Variants in SPRED1 observed in about 807,000 individuals in gnomAD.
The protein encoded by SPRED1 is sprouty-related, EVH1 domain-containing protein 1.
A neutral mutation model predicts 52.3 loss-of-function variants in SPRED1; 18 were observed. That is an observed-to-expected ratio of 0.34 (90% CI 0.24 to 0.51). SPRED1 has a LOEUF of 0.51. SPRED1 is among the 20% of genes least tolerant of loss of function. The pLI is 0.97. For synonymous variants in SPRED1, 155 were observed against 179.7 expected (o/e 0.86, Z 1.10); for missense variants, 485 against 551.0 (o/e 0.88, Z 1.20).
chr15:38,253,136 C>T lies in SPRED1; in HGVS notation c.-50C>T, dbSNP rs1369598326. Reference sequence around the variant, plus strand: ...GCCCCTCGGTGCTGCTGTTGCTCCCCCGCCTGCTGTTGCTCCTCCATCTCC... The same window carrying T: ...GCCCCTCGGTGCTGCTGTTGCTCCCTCGCCTGCTGTTGCTCCTCCATCTCC... On this transcript the variant is annotated 5_prime_UTR_variant, in exon 1 of 7. Transcript: ENST00000299084. The T allele has an allele frequency of 1.9e-6, 3 of 1,552,196 alleles. No individual in the cohort carries two copies. In the South Asian group the frequency reaches 3.6e-5, roughly 18 times the overall value.
Position 38,355,674 on chromosome 15 carries a change from C to G in SPRED1, c.*4010C>G, listed in dbSNP as rs1469849409. 1 of 152,100 alleles carries G rather than the reference C, an allele frequency of 6.6e-6. No homozygotes were observed. Among genetic ancestry groups the G allele is most frequent in the African/African-American group, 2.4e-5 (1 of 41,430 alleles). 9.4% of individuals were successfully genotyped at this position (152,100 alleles called of 1,614,324 possible). ...GCATTAAGCAAGTGTAACATTTTTT[C>G]CACATAAAACTTAGAAAACTTTAGT... On this transcript the variant is annotated 3_prime_UTR_variant, in exon 7 of 7. Coordinates refer to ENST00000299084, the MANE Select transcript of SPRED1 (RefSeq NM_152594.3).
At chr15:38,339,352 T>A (rs1895985304) in intron 4 of SPRED1, among the ~76,000 whole-genome samples, 1 of 152,196 alleles carries the variant, frequency 6.6e-6, no homozygotes, top group Admixed American at 6.5e-5. Context: ...AACATTTTTT[T>A]AACTTGCAAA....
intron 2 of SPRED1, 125 bp downstream of exon 2, chr15:38,299,672 C>T: frequency 2.0e-6 from 2 of 1,023,790 alleles, no homozygotes; most frequent in Non-Finnish European, 1.5e-6. Context: ...GGAGCTGTTT[C>T]TGTGTTAAAG....
At chr15:38,267,132 C>T (rs1314220591) in intron 1 of SPRED1, among the ~76,000 whole-genome samples, 5 of 152,262 alleles carry the variant, frequency 3.3e-5, no homozygotes, top group Admixed American at 6.5e-5. Flanking sequence ...TAGTTCCATA[C>T]ACATTTTTGC....
chr15:38,256,095 G>A (rs1273971011), intron 1 of SPRED1, among the ~76,000 whole-genome samples: 1 of 152,168 alleles, frequency 6.6e-6, no homozygotes, highest in Admixed American at 6.5e-5. Context: ...GATCTGTTAT[G>A]TGTAGGGCTT....
At chr15:38,287,928 T>A (rs1894843011) in intron 1 of SPRED1, among the ~76,000 whole-genome samples, 1 of 152,156 alleles carries the variant, frequency 6.6e-6, no homozygotes, top group African/African-American at 2.4e-5. Context: ...TTTTTTGATT[T>A]CCCCTTGCTT....
chr15:38,304,004 G>A (rs1475499726), intron 2 of SPRED1, among the ~76,000 whole-genome samples: 9 of 152,186 alleles, frequency 5.9e-5, no homozygotes, highest in Non-Finnish European at 1.3e-4. Context: ...ATTGTTTATA[G>A]AAGTTGAAGT....
chr15:38,291,459 T>G (rs1256249749), intron 1 of SPRED1, among the ~76,000 whole-genome samples: 1 of 152,264 alleles, frequency 6.6e-6, no homozygotes, highest in Non-Finnish European at 1.5e-5. Context: ...GTAGGGACTC[T>G]GTGTCGGGGC....
intron 2 of SPRED1, among the ~76,000 whole-genome samples, chr15:38,308,791 A>G (rs1233285720): frequency 6.6e-6 from 1 of 152,170 alleles, no homozygotes; most frequent in Non-Finnish European, 1.5e-5. Flanking sequence ...ACATTCACAT[A>G]CATGTTTTTT....
chr15:38,339,779 C>G lies in SPRED1; in HGVS notation c.466C>G (p.Leu156Val). 1 of 1,613,840 alleles carries G rather than the reference C, an allele frequency of 6.2e-7. No individual in the cohort carries two copies. Among genetic ancestry groups the G allele is most frequent in the Non-Finnish European group, 8.5e-7 (1 of 1,179,896 alleles). Residue 156 changes from leucine (L) to valine (V), a missense_variant, in exon 5 of 7, where the codon CTT becomes GTT. By Grantham distance (32) the Leu-to-Val change is conservative. Transcript: ENST00000299084. ...TTCCAGTTCTCTAGTGAAGGATCAC[C>G]TTTTTCAGCAAGAGACAGTTGTTAC... ...DSSSSLVKDH[L>V]FQQETVVTSE...
At chr15:38,300,383 G>A (rs8025147) in intron 2 of SPRED1, among the ~76,000 whole-genome samples, 125,489 of 152,114 alleles carry the variant, frequency 0.82, 52,528 homozygotes, top group Non-Finnish European at 0.9. Flanking sequence ...TGAAAATAAC[G>A]AGAATTCCCT....
intron 1 of SPRED1, among the ~76,000 whole-genome samples, chr15:38,297,354 A>G (rs965823684): frequency 2.2e-4 from 34 of 152,220 alleles, no homozygotes; most frequent in African/African-American, 8.2e-4. Flanking sequence ...TAGCCCACAA[A>G]TGTGGTTATT....
At chr15:38,300,293 G>A (rs1160232599) in intron 2 of SPRED1, among the ~76,000 whole-genome samples, 1 of 152,088 alleles carries the variant, frequency 6.6e-6, no homozygotes, top group African/African-American at 2.4e-5. Context: ...GCTGAGTAAT[G>A]TTAGTGTCAT....
chr15:38,343,257 C>T (rs1018093672), intron 5 of SPRED1, among the ~76,000 whole-genome samples: 12 of 152,092 alleles, frequency 7.9e-5, no homozygotes, highest in African/African-American at 2.9e-4. Flanking sequence ...TTGCTAGCCA[C>T]TTCTCTAGAA....
At chr15:38,295,859 A>G (rs1276045429) in intron 1 of SPRED1, among the ~76,000 whole-genome samples, 3 of 152,146 alleles carry the variant, frequency 2.0e-5, no homozygotes, top group East Asian at 1.9e-4. Flanking sequence ...AAAAATCACA[A>G]GTTTCATACA....
In SPRED1 at chr15:38,351,221, G is replaced by A; in HGVS notation, c.892G>A (p.Asp298Asn). 2 of 1,614,138 alleles carry A rather than the reference G, an allele frequency of 1.2e-6. No homozygotes were observed. Among genetic ancestry groups the A allele is most frequent in the Non-Finnish European group, 1.7e-6 (2 of 1,180,024 alleles). ...ATCAGACTATCTGTACTCTTGTGGG[G>A]ATGAGACTAAGTTAAGTTCACCCAA... ...KKSDYLYSCG[D>N]ETKLSSPKDS... is the part of the protein sequence containing the mutation. The change falls in exon 7 of 7, where the codon GAT (aspartate) becomes AAT (asparagine). Residue 298 changes from aspartate to asparagine, a missense_variant. Coordinates refer to ENST00000299084, the MANE Select transcript of SPRED1 (RefSeq NM_152594.3).
At chr15:38,270,332 A>G (rs1364606797) in intron 1 of SPRED1, among the ~76,000 whole-genome samples, 1 of 152,234 alleles carries the variant, frequency 6.6e-6, no homozygotes, top group Non-Finnish European at 1.5e-5. Flanking sequence ...TTGAGGTAGC[A>G]TAGCTTTTTC....
intron 2 of SPRED1, among the ~76,000 whole-genome samples, chr15:38,313,637 T>C (rs921150628): frequency 1.3e-5 from 2 of 151,088 alleles, no homozygotes; most frequent in Non-Finnish European, 3.0e-5. Context: ...TCTGTTATAT[T>C]ATATTCTATA....
intron 4 of SPRED1, 144 bp downstream of exon 4, chr15:38,324,953 G>A (rs1895683964): frequency 1.4e-6 from 1 of 735,650 alleles, no homozygotes; most frequent in Non-Finnish European, 2.3e-6. Flanking sequence ...AACCAATACA[G>A]GTTGAGCATC....
Sources: allele counts gnomAD v4.1 joint callset (sites outside exome capture counted in the v4.1 genomes callset), GRCh38; gene constraint gnomAD v4.1.1; transcripts MANE v1.5; gene names NCBI Gene and HGNC (gene_info 2026-07-23, HGNC 2026-07-21).